TRDN: variants seen among roughly 807,000 people sequenced by gnomAD.
The protein encoded by TRDN is triadin.
TRDN carries 161 observed loss-of-function variants against 149.7 expected under a neutral mutation model. The ratio of observed to expected loss-of-function variants is 1.08; its 90% confidence interval spans 0.95 to 1.23. The LOEUF (loss-of-function observed/expected upper bound fraction) is 1.23. Ranked by LOEUF, TRDN falls within the 50% of genes most tolerant of loss-of-function variation. The probability of loss-of-function intolerance (pLI) is 0.00; values close to 1 mark genes in which losing one functional copy is unlikely to be tolerated. For missense variants in TRDN, 896 were observed against 823.5 expected, an observed-to-expected ratio of 1.09 and a Z score of -1.08; for synonymous variants, 294 against 250.5, an observed-to-expected ratio of 1.17 and a Z score of -1.64.
chr6:123,451,272 A>G (rs535744625), intron 10 of TRDN, among the ~76,000 whole-genome samples: 1 of 148,530 alleles, frequency 6.7e-6, no homozygotes, highest in South Asian at 2.1e-4. Context: ...ATAAAATTGA[A>G]ACAACAACAA....
chr6:123,357,359 G>A (rs1046975108), intron 20 of TRDN, among the ~76,000 whole-genome samples: 5 of 152,208 alleles, frequency 3.3e-5, no homozygotes, highest in African/African-American at 1.2e-4. Flanking sequence ...AGGAAAAGGA[G>A]ATTTTAGGTA....
chr6:123,520,842 AG>A (rs1779642864), intron 5 of TRDN, among the ~76,000 whole-genome samples: 1 of 152,104 alleles, frequency 6.6e-6, no homozygotes, highest in Non-Finnish European at 1.5e-5. Flanking sequence ...TTCCTTGTCC[AG>A]GTTTATTTTT....
chr6:123,337,602 T>C lies in TRDN; in HGVS notation c.1420+17A>G, dbSNP rs1216478935. On this transcript the variant is annotated intron_variant, in intron 22 of 40. Transcript: ENST00000334268. The stretch of plus-strand genomic sequence containing the variant: ...TCCTAATAAATTTGTAATATTATAT[T>C]AAATTAACTCTGTTACCTTTATCTT... 14 of 1,224,686 alleles carry C rather than the reference T, an allele frequency of 1.1e-5. No individual in the cohort carries two copies. Among genetic ancestry groups the C allele is most frequent in the Non-Finnish European group, 1.4e-5 (13 of 899,544 alleles). 75.9% of individuals were successfully genotyped at this position (1,224,686 alleles called of 1,614,324 possible).
At chr6:123,429,002 G>A (rs541638308) in intron 12 of TRDN, 1 of 152,170 alleles carries the variant, frequency 6.6e-6, no homozygotes, top group South Asian at 2.1e-4. Context: ...CAGACCTACA[G>A]GATCTCTTCT....
At chr6:123,572,948 G>A (rs866037565) in intron 1 of TRDN, among the ~76,000 whole-genome samples, 1 of 152,042 alleles carries the variant, frequency 6.6e-6, no homozygotes, top group Non-Finnish European at 1.5e-5. Context: ...AGTAGCTGTA[G>A]TTTCTTTTAG....
chr6:123,636,635 A>G, intron 1 of TRDN, 119 bp downstream of exon 1: 1 of 1,194,082 alleles, frequency 8.4e-7, no homozygotes. Flanking sequence ...GTATAGAATC[A>G]TTGACCAAGG....
At chr6:123,617,538 G>T in intron 1 of TRDN, among the ~76,000 whole-genome samples, 1 of 152,034 alleles carries the variant, frequency 6.6e-6, no homozygotes, top group East Asian at 1.9e-4. Flanking sequence ...AATGTTACTT[G>T]CTAGATAACT....
chr6:123,341,813 A>G (rs947208619), intron 21 of TRDN, among the ~76,000 whole-genome samples: 2 of 152,004 alleles, frequency 1.3e-5, no homozygotes, highest in Non-Finnish European at 2.9e-5. Context: ...TTACACTTGT[A>G]TATTCTAGAC....
chr6:123,262,929 C>T (rs751724031), intron 33 of TRDN, among the ~76,000 whole-genome samples: 5 of 145,882 alleles, frequency 3.4e-5, no homozygotes, highest in Admixed American at 1.4e-4. Context: ...TCCTGAGACT[C>T]GATGGTTTTG....
intron 5 of TRDN, among the ~76,000 whole-genome samples, chr6:123,521,441 A>T (rs1283333658): frequency 6.6e-6 from 1 of 152,034 alleles, no homozygotes; most frequent in Non-Finnish European, 1.5e-5. Flanking sequence ...GGAGAGCATC[A>T]TTTGAAGATG....
chr6:123,279,024 GTGTT>G (rs1562242914), intron 25 of TRDN, 28 bp downstream of exon 25: 5 of 1,593,466 alleles, frequency 3.1e-6, no homozygotes, highest in Middle Eastern at 1.7e-4. Context: ...ACATATGTAC[GTGTT>G]TGTTTATTGA....
At chr6:123,345,866 CAG>C (rs1374956451) in intron 21 of TRDN, among the ~76,000 whole-genome samples, 5 of 151,848 alleles carry the variant, frequency 3.3e-5, no homozygotes, top group African/African-American at 1.2e-4. Context: ...ACTGATATAA[CAG>C]AGTAACTGAC....
intron 14 of TRDN, among the ~76,000 whole-genome samples, chr6:123,382,701 A>G (rs550985645): frequency 6.6e-6 from 1 of 152,180 alleles, no homozygotes; most frequent in Admixed American, 6.5e-5. Flanking sequence ...TGATGAATAC[A>G]TCACTATATT....
At chr6:123,386,090 G>A (rs936186951) in intron 14 of TRDN, among the ~76,000 whole-genome samples, 2 of 152,144 alleles carry the variant, frequency 1.3e-5, no homozygotes, top group African/African-American at 4.8e-5. Context: ...AAGGAAATGT[G>A]CTCATCCTCC....
intron 7 of TRDN, among the ~76,000 whole-genome samples, chr6:123,511,954 C>T (rs1235071730): frequency 6.6e-5 from 10 of 151,780 alleles, no homozygotes; most frequent in Admixed American, 1.3e-4. Context: ...CCAGGATAAC[C>T]TCCCTATTTT....
chr6:123,436,960 G>A (rs960708057), intron 12 of TRDN, among the ~76,000 whole-genome samples: 3 of 152,116 alleles, frequency 2.0e-5, no homozygotes, highest in African/African-American at 4.8e-5. Flanking sequence ...GACATCAGTG[G>A]AGGAAATCTT....
intron 9 of TRDN, among the ~76,000 whole-genome samples, chr6:123,466,059 G>A (rs1371321556): frequency 6.6e-6 from 1 of 152,154 alleles, no homozygotes; most frequent in African/African-American, 2.4e-5. Flanking sequence ...CACCCATACA[G>A]GTTGATTACT....
intron 22 of TRDN, among the ~76,000 whole-genome samples, chr6:123,333,918 TG>T (rs1779760645): frequency 6.6e-6 from 1 of 152,068 alleles, no homozygotes; most frequent in Non-Finnish European, 1.5e-5. Context: ...TTAATGGTGC[TG>T]GGATATAAAG....
chr6:123,392,590 A>G (rs1198223727), intron 13 of TRDN, among the ~76,000 whole-genome samples: 4 of 151,992 alleles, frequency 2.6e-5, no homozygotes, highest in Non-Finnish European at 5.9e-5. Flanking sequence ...CGTTCATAAT[A>G]TTTACTATAT....
Sources: gnomAD v4.1 joint callset for allele counts (sites outside exome capture counted in the v4.1 genomes callset) on GRCh38, gnomAD v4.1.1 for gene constraint, MANE v1.5 for transcripts, NCBI Gene and HGNC (gene_info 2026-07-23, HGNC 2026-07-21) for gene names.